The following SUPT3H variants were observed in gnomAD, a reference collection of about 807,000 sequenced individuals.
The protein encoded by SUPT3H is SPT3 homolog, SAGA and STAGA complex component.
A neutral mutation model predicts 44.3 loss-of-function variants in SUPT3H; 44 were observed. The ratio of observed to expected loss-of-function variants is 0.99; its 90% CI spans 0.78 to 1.28. The LOEUF (loss-of-function observed/expected upper bound fraction) is 1.28, where lower values mean the gene tolerates loss of function less well. Among genes scored for constraint, SUPT3H ranks in the 50% most tolerant of loss-of-function variants. The pLI is 0.00. For synonymous variants in SUPT3H, 124 were observed against 125.6 expected (o/e 0.99, Z 0.09); for missense variants, 380 against 387.1 (o/e 0.98, Z 0.15).
intron 2 of SUPT3H, among the ~76,000 whole-genome samples, chr6:45,121,009 A>G (rs1021816880): frequency 2.6e-5 from 4 of 152,226 alleles, no homozygotes; most frequent in African/African-American, 4.8e-5. Flanking sequence ...CACAGAGATT[A>G]AAATTGATAC....
chr6:44,885,058 G>A (rs1778926985), intron 10 of SUPT3H, among the ~76,000 whole-genome samples: 1 of 152,168 alleles, frequency 6.6e-6, no homozygotes, highest in Admixed American at 6.5e-5. Flanking sequence ...CAGTGAGGCT[G>A]GGGAAGGGGC....
intron 3 of SUPT3H, among the ~76,000 whole-genome samples, chr6:45,074,183 A>G (rs951481647): frequency 1.3e-5 from 2 of 152,012 alleles, no homozygotes; most frequent in African/African-American, 4.8e-5. Flanking sequence ...AAGCTCCACT[A>G]TCTATCTAAC....
intron 6 of SUPT3H, among the ~76,000 whole-genome samples, chr6:44,997,284 A>G (rs910528782): frequency 1.3e-5 from 2 of 151,844 alleles, no homozygotes; most frequent in Non-Finnish European, 2.9e-5. Context: ...TACAACATTT[A>G]GTCTATATCC....
chr6:45,209,551 G>C (rs1253181188), intron 2 of SUPT3H, among the ~76,000 whole-genome samples: 2 of 152,210 alleles, frequency 1.3e-5, no homozygotes, highest in African/African-American at 4.8e-5. Context: ...TGACTAAAGT[G>C]CTGCAATCTC....
intron 2 of SUPT3H, among the ~76,000 whole-genome samples, chr6:45,211,798 G>C (rs995929903): frequency 6.6e-6 from 1 of 151,850 alleles, no homozygotes; most frequent in Non-Finnish European, 1.5e-5. Context: ...GCAGTAAACT[G>C]AGATAGCACC....
intron 10 of SUPT3H, among the ~76,000 whole-genome samples, chr6:44,878,212 C>G (rs185236953): frequency 1.8e-4 from 28 of 152,208 alleles, no homozygotes; most frequent in Admixed American, 1.7e-3. Flanking sequence ...AGTGTTGTAA[C>G]AAGGTTTTAT....
intron 4 of SUPT3H, among the ~76,000 whole-genome samples, chr6:45,017,077 C>T (rs1025207192): frequency 9.2e-5 from 14 of 151,922 alleles, no homozygotes; most frequent in African/African-American, 3.4e-4. Flanking sequence ...TTTTGATTTG[C>T]ATTTCTCTGA....
downstream of SUPT3H, chr6:44,809,314 G>A (rs1324605329): frequency 6.6e-6 from 1 of 152,224 alleles, no homozygotes; most frequent in African/African-American, 2.4e-5. Context: ...CAAGTTGAAG[G>A]AGGAATTCAG....
intron 1 of SUPT3H, among the ~76,000 whole-genome samples, chr6:45,372,684 GGT>G (rs1163369246): frequency 6.6e-6 from 1 of 151,920 alleles, no homozygotes; most frequent in African/African-American, 2.4e-5. Flanking sequence ...TTTGAGACAG[GGT>G]CTCTCTCTGT....
At chr6:45,362,063 C>A (rs1794358648) in intron 2 of SUPT3H, among the ~76,000 whole-genome samples, 1 of 152,064 alleles carries the variant, frequency 6.6e-6, no homozygotes, top group Admixed American at 6.6e-5. Context: ...AAAACAACAA[C>A]AACAACAACA....
chr6:45,041,203 A>G (rs1232791790), intron 3 of SUPT3H, among the ~76,000 whole-genome samples: 1 of 152,194 alleles, frequency 6.6e-6, no homozygotes, highest in Non-Finnish European at 1.5e-5. Flanking sequence ...TACAAGTCAT[A>G]ATAAGTAAAA....
chr6:45,156,180 C>G (rs1807792154), intron 2 of SUPT3H, among the ~76,000 whole-genome samples: 1 of 152,080 alleles, frequency 6.6e-6, no homozygotes, highest in African/African-American at 2.4e-5. Flanking sequence ...TAAGCATGAG[C>G]ATAAGCTCAT....
At chr6:45,284,265 G>C (rs1778774545) in intron 2 of SUPT3H, among the ~76,000 whole-genome samples, 1 of 151,822 alleles carries the variant, frequency 6.6e-6, no homozygotes, top group Admixed American at 6.6e-5. Flanking sequence ...GAAGGAAATA[G>C]AAACACAAAA....
At chr6:45,367,967 G>A (rs1795433438) in intron 1 of SUPT3H, among the ~76,000 whole-genome samples, 1 of 151,968 alleles carries the variant, frequency 6.6e-6, no homozygotes, top group East Asian at 1.9e-4. Flanking sequence ...AACTTCTTTT[G>A]ACATTAACTT....
At chr6:45,177,009 T>C (rs977594982) in intron 2 of SUPT3H, among the ~76,000 whole-genome samples, 16 of 151,692 alleles carry the variant, frequency 1.1e-4, no homozygotes, top group South Asian at 4.2e-4. Context: ...AAAAACAGAG[T>C]GCCTCTCCTC....
chr6:44,914,219 TAA>T (rs1767481543), intron 10 of SUPT3H, among the ~76,000 whole-genome samples: 1 of 152,214 alleles, frequency 6.6e-6, no homozygotes, highest in African/African-American at 2.4e-5. Flanking sequence ...GCAAAATGAT[TAA>T]AGAGTTTTAT....
At chr6:45,279,127 T>C (rs1042927271) in intron 2 of SUPT3H, among the ~76,000 whole-genome samples, 8 of 152,232 alleles carry the variant, frequency 5.3e-5, no homozygotes, top group Admixed American at 3.3e-4. Context: ...ACTACAACTT[T>C]TATTATTTAA....
chr6:44,929,711 A>T (rs149139154), intron 10 of SUPT3H, among the ~76,000 whole-genome samples: 2 of 151,440 alleles, frequency 1.3e-5, no homozygotes, highest in African/African-American at 4.9e-5. Flanking sequence ...CTCAGAGTGG[A>T]CCTTAGGGAA....
At chr6:44,977,157 T>G (rs1778448701) in intron 6 of SUPT3H, among the ~76,000 whole-genome samples, 1 of 152,230 alleles carries the variant, frequency 6.6e-6, no homozygotes, top group African/African-American at 2.4e-5. Context: ...AAAGGAGAAT[T>G]GTTTTTGCAA....
Sources: allele counts gnomAD v4.1 joint callset (sites outside exome capture counted in the v4.1 genomes callset), GRCh38; gene constraint gnomAD v4.1.1; transcripts MANE v1.5; gene names NCBI Gene and HGNC (gene_info 2026-07-23, HGNC 2026-07-21).